Variants in CSRP2 observed in about 807,000 individuals in gnomAD.
CSRP2 encodes cysteine and glycine-rich protein 2.
In CSRP2, 18 loss-of-function variants were observed where a neutral mutation model predicts 24.6. That is an observed-to-expected ratio of 0.73 (90% confidence interval 0.51 to 1.09). CSRP2 has a LOEUF of 1.09. Among genes scored for constraint, CSRP2 ranks in the 50% least tolerant of loss-of-function variants. The probability of loss-of-function intolerance (pLI) is 0.00; values close to 1 mark genes in which losing one functional copy is unlikely to be tolerated. For missense variants in CSRP2, 215 were observed against 239.4 expected, an observed-to-expected ratio of 0.90 and a Z score of 0.67; for synonymous variants, 87 against 84.3, an observed-to-expected ratio of 1.03 and a Z score of -0.18.
At chr12:76,868,409 A>G (rs992090316) in intron 1 of CSRP2, among the ~76,000 whole-genome samples, 1 of 152,156 alleles carries the variant, frequency 6.6e-6, no homozygotes, top group Non-Finnish European at 1.5e-5. Context: ...ATGATAGTGA[A>G]TAAGTCTCAC....
At chr12:76,870,739 C>T (rs1209482955) in intron 1 of CSRP2, among the ~76,000 whole-genome samples, 2 of 151,352 alleles carry the variant, frequency 1.3e-5, no homozygotes, top group Non-Finnish European at 2.9e-5. Context: ...GGTGTGGTAG[C>T]TCATGCCTGT....
intron 1 of CSRP2, among the ~76,000 whole-genome samples, chr12:76,873,126 T>C (rs1953818238): frequency 6.6e-6 from 1 of 152,254 alleles, no homozygotes. Context: ...TTGCCCAGAT[T>C]CTAAATGCCT....
chr12:76,878,197 C>T (rs1414487953), intron 1 of CSRP2: 1 of 152,172 alleles, frequency 6.6e-6, no homozygotes, highest in Non-Finnish European at 1.5e-5. Context: ...CTCTGGAGAA[C>T]CCAGAATGTG....
chr12:76,870,197 T>C (rs1158119292), intron 1 of CSRP2, among the ~76,000 whole-genome samples: 5 of 152,206 alleles, frequency 3.3e-5, no homozygotes, highest in Non-Finnish European at 5.9e-5. Flanking sequence ...CATATTTACT[T>C]TGGAGCAATC....
Position 76,863,210 on chromosome 12 carries a change from C to G in CSRP2, c.247G>C (p.Asp83His). ...TTGATGCCCAGCCTCTCGCCACGGTCCATGTTAAGCGTGCCAGCGCCCTGG... is the reference window on the plus strand; with the variant it reads ...TTGATGCCCAGCCTCTCGCCACGGTGCATGTTAAGCGTGCCAGCGCCCTGG... ...YGQGAGTLNM[D>H]RGERLGIKPE... The change falls in exon 3 of 6, where the codon GAC (aspartate) becomes CAC (histidine). Residue 83 changes from aspartate to histidine, a missense_variant. Physicochemically the swap from Asp to His is moderately conservative, Grantham distance 81 (BLOSUM62 -1). Transcript: ENST00000311083. 1 of 1,614,098 alleles carries G rather than the reference C, an allele frequency of 6.2e-7. No homozygotes were observed. The highest frequency in any genetic ancestry group is 8.5e-7 in the Non-Finnish European group (1 of 1,179,972).
intron 3 of CSRP2, chr12:76,862,528 G>A: frequency 4.3e-6 from 1 of 232,046 alleles, no homozygotes; most frequent in Non-Finnish European, 8.0e-6. Flanking sequence ...GTGACAGAGT[G>A]AGATTCTGTG....
intron 2 of CSRP2, 91 bp downstream of exon 2, chr12:76,866,058 G>T (rs1953731727): frequency 1.1e-6 from 1 of 917,914 alleles, no homozygotes; most frequent in South Asian, 1.6e-5. Flanking sequence ...AATGATCTTT[G>T]TTGGCAAAAC....
At chr12:76,870,307 T>C (rs1382399175) in intron 1 of CSRP2, among the ~76,000 whole-genome samples, 2 of 152,206 alleles carry the variant, frequency 1.3e-5, no homozygotes, top group South Asian at 2.1e-4. Context: ...ACTAATAACC[T>C]TGTTATTCTC....
At chr12:76,876,153 T>C (rs1458734541) in intron 1 of CSRP2, among the ~76,000 whole-genome samples, 1 of 152,212 alleles carries the variant, frequency 6.6e-6, no homozygotes, top group East Asian at 1.9e-4. Context: ...GAAACCACCA[T>C]GAAGCCCTCT....
chr12:76,870,842 A>C (rs536919968), intron 1 of CSRP2, among the ~76,000 whole-genome samples: 1 of 152,044 alleles, frequency 6.6e-6, no homozygotes, highest in African/African-American at 2.4e-5. Flanking sequence ...GCATGGTGGC[A>C]CACACCTCTG....
intron 1 of CSRP2, among the ~76,000 whole-genome samples, chr12:76,867,474 A>C (rs1953747108): frequency 6.6e-6 from 1 of 151,812 alleles, no homozygotes; most frequent in Non-Finnish European, 1.5e-5. Context: ...GTACCACTGC[A>C]CTCCAGCCTG....
intron 2 of CSRP2, 140 bp from the exon 3 acceptor site, chr12:76,863,484 A>C (rs1325780328): frequency 1.2e-5 from 9 of 778,390 alleles, no homozygotes; most frequent in Admixed American, 2.8e-5. Context: ...GGCTTCCCAA[A>C]AGCCATGAGA....
intron 1 of CSRP2, among the ~76,000 whole-genome samples, chr12:76,874,099 T>C (rs139555997): frequency 1.0e-3 from 155 of 152,244 alleles, no homozygotes; most frequent in African/African-American, 3.6e-3. Flanking sequence ...CACAGAGGCA[T>C]GCAAAAAGGG....
intron 1 of CSRP2, among the ~76,000 whole-genome samples, chr12:76,875,802 T>C (rs1953846317): frequency 6.6e-6 from 1 of 152,236 alleles, no homozygotes; most frequent in South Asian, 2.1e-4. Flanking sequence ...GCTTTACTTA[T>C]GTTTATATTA....
chr12:76,867,503 T>C (rs1295463696), intron 1 of CSRP2, among the ~76,000 whole-genome samples: 1 of 152,096 alleles, frequency 6.6e-6, no homozygotes, highest in Non-Finnish European at 1.5e-5. Context: ...AGCGAGACTC[T>C]GACGAAAAGA....
chr12:76,873,614 G>A (rs750685365), intron 1 of CSRP2, among the ~76,000 whole-genome samples: 3 of 152,146 alleles, frequency 2.0e-5, no homozygotes, highest in Non-Finnish European at 4.4e-5. Context: ...TCTCTCATCC[G>A]TAAACTTAGG....
intron 3 of CSRP2, chr12:76,862,423 C>T (rs1953690950): frequency 6.4e-6 from 1 of 156,784 alleles, no homozygotes; most frequent in Admixed American, 6.4e-5. Flanking sequence ...CGCCTGTAAT[C>T]CCAGCTACTC....
intron 1 of CSRP2, among the ~76,000 whole-genome samples, chr12:76,866,970 G>C (rs572415036): frequency 6.6e-6 from 1 of 152,120 alleles, no homozygotes. Context: ...GCCAGCAGTT[G>C]GGTTTTCCTC....
chr12:76,859,769 A>G (rs1565819419), intron 4 of CSRP2, 129 bp from the exon 5 acceptor site: 2 of 652,130 alleles, frequency 3.1e-6, no homozygotes, highest in African/African-American at 1.8e-5. Context: ...TTCAGCTCCA[A>G]TGAGAAGGCT....
Sources: gnomAD v4.1 joint callset for allele counts (sites outside exome capture counted in the v4.1 genomes callset) on GRCh38, gnomAD v4.1.1 for gene constraint, MANE v1.5 for transcripts, NCBI Gene and HGNC (gene_info 2026-07-23, HGNC 2026-07-21) for gene names.